TGM5: variants seen among roughly 807,000 people sequenced by gnomAD.
The protein encoded by TGM5 is transglutaminase 5, also known as protein-glutamine gamma-glutamyltransferase 5.
A neutral mutation model predicts 77.2 loss-of-function variants in TGM5; 69 were observed. The ratio of observed to expected loss-of-function variants is 0.89; its 90% CI spans 0.74 to 1.09. The LOEUF (loss-of-function observed/expected upper bound fraction) is 1.09. Ranked by LOEUF, TGM5 falls within the 50% of genes least tolerant of loss-of-function variation. TGM5 has a pLI of 0.00. For missense variants in TGM5, 842 were observed against 896.5 expected (o/e 0.94, Z 0.78); for synonymous variants, 346 against 351.8 (o/e 0.98, Z 0.18).
At chr15:43,254,989 G>A (rs1242743892) in intron 4 of TGM5, among the ~76,000 whole-genome samples, 4 of 152,088 alleles carry the variant, frequency 2.6e-5, no homozygotes, top group Non-Finnish European at 4.4e-5. Context: ...CTAGCACTTA[G>A]CACCCTGCCT....
intron 3 of TGM5, among the ~76,000 whole-genome samples, chr15:43,257,269 C>A (rs963023481): frequency 3.3e-5 from 5 of 152,160 alleles, no homozygotes; most frequent in Non-Finnish European, 5.9e-5. Flanking sequence ...AGTTAGATAG[C>A]TTCAATACAT....
intron 6 of TGM5, chr15:43,241,356 A>G (rs867450815): frequency 8.7e-6 from 3 of 343,608 alleles, no homozygotes; most frequent in Middle Eastern, 2.0e-3. Flanking sequence ...CTCCATCTTC[A>G]AGCCAAAGCT....
At position 43,261,584 on chromosome 15, in the gene TGM5, T is replaced by C. The variant is rs1173426739; in HGVS notation, c.11-1005A>G. Among the ~76,000 whole-genome samples the C allele has an allele frequency of 3.3e-5, 5 of 152,306 alleles. No homozygotes were observed. In the East Asian group the frequency reaches 9.6e-4, roughly 29 times the overall value. Reference sequence around the variant, plus strand: ...GCCAGAAGGGTCTGTTTTTGATTTTTCCTTGTTTGACCATGGTTCTGCCAT... The same window carrying C: ...GCCAGAAGGGTCTGTTTTTGATTTTCCCTTGTTTGACCATGGTTCTGCCAT... On this transcript the variant is annotated intron_variant, in intron 1 of 12. Coordinates refer to ENST00000220420, the MANE Select transcript of TGM5 (RefSeq NM_201631.4).
At chr15:43,261,440 A>T (rs768716055) in intron 1 of TGM5, among the ~76,000 whole-genome samples, 5 of 152,140 alleles carry the variant, frequency 3.3e-5, no homozygotes, top group Non-Finnish European at 7.4e-5. Flanking sequence ...ACCACAGGCC[A>T]CGTGCTCAGT....
At chr15:43,236,906 T>C (rs538381921) in intron 9 of TGM5, among the ~76,000 whole-genome samples, 2 of 149,790 alleles carry the variant, frequency 1.3e-5, no homozygotes, top group African/African-American at 5.0e-5. Context: ...GAAGCAGAGG[T>C]TGCAGTGAGC....
chr15:43,233,142 C>T lies in TGM5; in HGVS notation c.*49G>A, dbSNP rs766139002. 1.2e-6 allele frequency: 2 copies of T among 1,611,332 alleles called. No homozygotes were observed. Among genetic ancestry groups the T allele is most frequent in the Non-Finnish European group, 1.7e-6 (2 of 1,178,734 alleles). ...GGCGCAGCTTGCATTTGAACTTGCT[C>T]CTTTTCCTGAAGCTTGAAATTCACA... On this transcript the variant is annotated 3_prime_UTR_variant, in exon 13 of 13. Transcript: ENST00000220420.
At chr15:43,250,933 A>G (rs902341192) in intron 6 of TGM5, among the ~76,000 whole-genome samples, 1 of 152,150 alleles carries the variant, frequency 6.6e-6, no homozygotes, top group African/African-American at 2.4e-5. Flanking sequence ...GTCTACTGTC[A>G]TTGCATAATC....
chr15:43,258,452 C>T (rs200208510), intron 3 of TGM5, among the ~76,000 whole-genome samples: 9 of 152,182 alleles, frequency 5.9e-5, no homozygotes, highest in African/African-American at 1.9e-4. Context: ...TGGGCACAGA[C>T]GTCCACTTTG....
chr15:43,261,095 T>TGTTTTG (rs1566837533), intron 1 of TGM5, among the ~76,000 whole-genome samples: 1 of 130,288 alleles, frequency 7.7e-6, no homozygotes, highest in Non-Finnish European at 1.6e-5. Flanking sequence ...TTTTTTTTTT[T>TGTTTTG]TTTTTTTTTT....
At chr15:43,260,757 T>C (rs2042780104) in intron 1 of TGM5, 178 bp from the exon 2 acceptor site, 13 of 727,008 alleles carry the variant, frequency 1.8e-5, no homozygotes, top group Admixed American at 1.4e-4. Context: ...GAGGATTTAA[T>C]GAGGTTCCAT....
chr15:43,234,530 G>C (rs764098615), intron 11 of TGM5, among the ~76,000 whole-genome samples: 2 of 152,214 alleles, frequency 1.3e-5, no homozygotes, highest in African/African-American at 4.8e-5. Context: ...GGGCACAAGA[G>C]GGGGGTCTCT....
At chr15:43,241,210 AG>A (rs2042633830) in intron 6 of TGM5, 3 of 618,916 alleles carry the variant, frequency 4.8e-6, no homozygotes, top group Non-Finnish European at 2.9e-6. Flanking sequence ...CTGACTGCTC[AG>A]ACAAGCACTG....
chr15:43,259,917 G>T, intron 3 of TGM5, 135 bp downstream of exon 3: 1 of 1,229,332 alleles, frequency 8.1e-7, no homozygotes, highest in Non-Finnish European at 1.2e-6. Flanking sequence ...GGTGGTAGTT[G>T]GGGCGGATGC....
Position 43,239,011 on chromosome 15 carries a change from CCTT to C in TGM5, c.1148_1150del (p.Glu383del). 1.2e-6 allele frequency: 2 copies of C among 1,614,148 alleles called. No homozygotes were observed. The highest frequency in any genetic ancestry group is 1.3e-5 in the African/African-American group (1 of 75,040). On this transcript the variant is annotated inframe_deletion, in exon 9 of 13. Coordinates refer to ENST00000220420, the MANE Select transcript of TGM5 (RefSeq NM_201631.4). Reference sequence around the variant, plus strand: ...CGTGTCATAGTTCAGGTCCACTTCTCCTTCTTTGATGGCTCTGACAGAGGCAGG... The same window carrying C: ...CGTGTCATAGTTCAGGTCCACTTCTCCTTTGATGGCTCTGACAGAGGCAGG...
At chr15:43,255,545 G>A (rs1473517392) in intron 4 of TGM5, among the ~76,000 whole-genome samples, 1 of 152,170 alleles carries the variant, frequency 6.6e-6, no homozygotes, top group Non-Finnish European at 1.5e-5. Flanking sequence ...CTTGGCTAGA[G>A]CCACCCCTGG....
At chr15:43,256,773 G>A (rs536848420) in intron 3 of TGM5, 87 bp from the exon 4 acceptor site, 14 of 1,038,060 alleles carry the variant, frequency 1.3e-5, no homozygotes, top group Admixed American at 6.7e-5. Context: ...CAGAGGAAAC[G>A]GTTCTGGAGC....
chr15:43,244,654 A>C (rs1315824221), intron 6 of TGM5, among the ~76,000 whole-genome samples: 1 of 152,212 alleles, frequency 6.6e-6, no homozygotes, highest in Non-Finnish European at 1.5e-5. Flanking sequence ...TTCAGTGATA[A>C]GTGTTGAGAC....
At chr15:43,250,382 A>G (rs2042695929) in intron 6 of TGM5, among the ~76,000 whole-genome samples, 1 of 152,172 alleles carries the variant, frequency 6.6e-6, no homozygotes, top group Non-Finnish European at 1.5e-5. Flanking sequence ...GAGGAAACTG[A>G]GGCACAAGTT....
intron 6 of TGM5, among the ~76,000 whole-genome samples, chr15:43,242,652 G>C (rs2042644727): frequency 6.6e-6 from 1 of 152,222 alleles, no homozygotes; most frequent in African/African-American, 2.4e-5. Flanking sequence ...CCAGGGTGGG[G>C]ACAGGCCTCT....
Sources: allele counts gnomAD v4.1 joint callset (sites outside exome capture counted in the v4.1 genomes callset), GRCh38; gene constraint gnomAD v4.1.1; transcripts MANE v1.5; gene names NCBI Gene and HGNC (gene_info 2026-07-23, HGNC 2026-07-21).